Variants in MACROD2 observed in about 807,000 individuals in gnomAD.
MACROD2 encodes mono-ADP ribosylhydrolase 2.
Under a neutral mutation model 70.4 loss-of-function variants are expected in MACROD2, and 36 were observed. The observed-to-expected ratio is 0.51, with a 90% confidence interval of 0.39 to 0.68. The LOEUF is 0.68. MACROD2 is among the 30% of genes least tolerant of loss of function. The probability of loss-of-function intolerance (pLI) is 0.00; values close to 1 mark genes in which losing one functional copy is unlikely to be tolerated. For missense variants in MACROD2, 496 were observed against 538.4 expected (o/e 0.92, Z 0.78); for synonymous variants, 172 against 178.8 (o/e 0.96, Z 0.30).
At chr20:14,098,815 CAA>C (rs2054263327) in intron 3 of MACROD2, among the ~76,000 whole-genome samples, 1 of 152,112 alleles carries the variant, frequency 6.6e-6, no homozygotes, top group African/African-American at 2.4e-5. Context: ...AGCAAAGCAT[CAA>C]AAGTCATCAA....
intron 15 of MACROD2, among the ~76,000 whole-genome samples, chr20:16,003,082 C>A (rs3916267): frequency 0.036 from 1,896 of 53,036 alleles, 23 homozygotes; most frequent in South Asian, 0.053. Flanking sequence ...ACCCACCCAC[C>A]CACACACACA....
chr20:14,388,997 C>G (rs1430670374), intron 3 of MACROD2, among the ~76,000 whole-genome samples: 1 of 151,924 alleles, frequency 6.6e-6, no homozygotes, highest in East Asian at 2.0e-4. Context: ...CCTGCCTCAG[C>G]CCCCTGAGTA....
chr20:15,383,206 A>G (rs557361810), intron 6 of MACROD2, among the ~76,000 whole-genome samples: 1 of 152,222 alleles, frequency 6.6e-6, no homozygotes, highest in Non-Finnish European at 1.5e-5. Flanking sequence ...GTGTTCAGAA[A>G]TATTTAGCCC....
intron 3 of MACROD2, among the ~76,000 whole-genome samples, chr20:14,097,685 A>G (rs1231887524): frequency 1.3e-5 from 2 of 152,150 alleles, no homozygotes; most frequent in African/African-American, 4.8e-5. Context: ...CAGGTTGAAT[A>G]TTTCTTATCC....
intron 5 of MACROD2, among the ~76,000 whole-genome samples, chr20:14,766,363 T>G (rs1340958057): frequency 6.6e-6 from 1 of 152,090 alleles, no homozygotes; most frequent in Non-Finnish European, 1.5e-5. Context: ...TTTTGACTAT[T>G]ATTAGCTGAA....
At chr20:14,124,064 T>A (rs1176326332) in intron 3 of MACROD2, among the ~76,000 whole-genome samples, 1 of 152,206 alleles carries the variant, frequency 6.6e-6, no homozygotes. Context: ...CTATGTTTTC[T>A]TTGCTCCAAA....
chr20:15,446,408 A>G (rs1878093740), intron 7 of MACROD2, among the ~76,000 whole-genome samples: 1 of 152,222 alleles, frequency 6.6e-6, no homozygotes, highest in Admixed American at 6.5e-5. Context: ...GAAATAAAAC[A>G]TTGTATTCTA....
intron 8 of MACROD2, among the ~76,000 whole-genome samples, chr20:15,574,082 T>G (rs1210078845): frequency 6.6e-6 from 1 of 152,130 alleles, no homozygotes; most frequent in African/African-American, 2.4e-5. Flanking sequence ...AATACTACTC[T>G]TACCACTAAT....
At chr20:14,767,389 T>C (rs980935207) in intron 5 of MACROD2, among the ~76,000 whole-genome samples, 1 of 152,050 alleles carries the variant, frequency 6.6e-6, no homozygotes, top group Non-Finnish European at 1.5e-5. Context: ...GTGAAAATGA[T>C]GAAAGACTGA....
At chr20:15,897,835 T>C (rs541255408) in intron 10 of MACROD2, among the ~76,000 whole-genome samples, 10 of 152,338 alleles carry the variant, frequency 6.6e-5, no homozygotes, top group Admixed American at 3.3e-4. Flanking sequence ...GTTTATTGAT[T>C]CTGCAAACTT....
At chr20:14,302,498 C>T (rs77835402) in intron 3 of MACROD2, among the ~76,000 whole-genome samples, 2,294 of 152,120 alleles carry the variant, frequency 0.015, 24 homozygotes, top group African/African-American at 0.027. Context: ...TTTGGTACTT[C>T]CTTGAGATTT....
Position 14,473,704 on chromosome 20 carries a change from A to G in MACROD2, c.272-19775A>G, listed in dbSNP as rs961351813. Among the ~76,000 whole-genome samples the G allele has an allele frequency of 5.3e-5, 8 of 152,304 alleles. No individual in the cohort carries two copies. The East Asian group carries it at 7.7e-4, about 15-fold the overall frequency. On this transcript the variant is annotated intron_variant, in intron 3 of 17. Coordinates refer to ENST00000684519, the MANE Select transcript of MACROD2 (RefSeq NM_001351661.2). ...AGGATCATATGGTAGTTCTATTTTT[A>G]AATTTTTCAGAAACCTCCATACTGT...
chr20:15,968,997 G>A (rs1433647492), intron 13 of MACROD2, among the ~76,000 whole-genome samples: 2 of 151,806 alleles, frequency 1.3e-5, no homozygotes, highest in Non-Finnish European at 2.9e-5. Context: ...GGCATTTGCT[G>A]ATTCTACAGA....
At chr20:15,340,180 C>T (rs1362457982) in intron 6 of MACROD2, among the ~76,000 whole-genome samples, 2 of 129,482 alleles carry the variant, frequency 1.5e-5, no homozygotes, top group African/African-American at 5.9e-5. Flanking sequence ...GCTCTGTCAC[C>T]CAGGCTGGAG....
rs149061009 is a variant in MACROD2 at position 15,127,509 on chromosome 20, T to C, written c.419-102431T>C. Among the ~76,000 whole-genome samples, 929 of 152,184 alleles carry C rather than the reference T, an allele frequency of 6.1e-3. 9 individuals carry two copies. The highest frequency in any genetic ancestry group is 0.014 in the Admixed American group (211 of 15,278). ...CTGGCTCAGAACCTCTCTTATGAGA[T>C]TGCCGTTAACCTGTTGATGCAGCAG... On this transcript the variant is annotated intron_variant, in intron 5 of 17. Transcript: ENST00000684519.
At chr20:14,565,271 C>T (rs995300618) in intron 4 of MACROD2, among the ~76,000 whole-genome samples, 6 of 151,776 alleles carry the variant, frequency 4.0e-5, no homozygotes, top group Admixed American at 2.6e-4. Flanking sequence ...ATAGGTACAA[C>T]AAAAGCCCAG....
At chr20:14,332,389 T>A (rs1263140261) in intron 3 of MACROD2, among the ~76,000 whole-genome samples, 1 of 152,138 alleles carries the variant, frequency 6.6e-6, no homozygotes, top group Non-Finnish European at 1.5e-5. Flanking sequence ...TACATGTTTA[T>A]GTGATTTCTT....
At chr20:15,911,669 G>C (rs1331189782) in intron 10 of MACROD2, among the ~76,000 whole-genome samples, 1 of 152,180 alleles carries the variant, frequency 6.6e-6, no homozygotes, top group African/African-American at 2.4e-5. Context: ...GGAGAAGTGA[G>C]AAAACACCAG....
chr20:16,006,706 C>G (rs2066793374), intron 15 of MACROD2, among the ~76,000 whole-genome samples: 1 of 152,098 alleles, frequency 6.6e-6, no homozygotes, highest in African/African-American at 2.4e-5. Flanking sequence ...TGTATTTTCC[C>G]CATGCTTTCA....
Sources: gnomAD v4.1 joint callset for allele counts (sites outside exome capture counted in the v4.1 genomes callset) on GRCh38, gnomAD v4.1.1 for gene constraint, MANE v1.5 for transcripts, NCBI Gene and HGNC (gene_info 2026-07-23, HGNC 2026-07-21) for gene names.